The following LAMC2 variants were observed in gnomAD, a reference collection of about 807,000 sequenced individuals.
LAMC2 encodes laminin subunit gamma-2.
A neutral mutation model predicts 140.2 loss-of-function variants in LAMC2; 97 were observed. The ratio of observed to expected loss-of-function variants is 0.69; its 90% confidence interval spans 0.59 to 0.82. The LOEUF is 0.82. Ranked by LOEUF, LAMC2 falls within the 40% of genes least tolerant of loss-of-function variation. The pLI is 0.00. For missense variants in LAMC2, 1,402 were observed against 1,476.1 expected (o/e 0.95, Z 0.82); for synonymous variants, 513 against 540.2 (o/e 0.95, Z 0.70).
rs762552760 is a variant in LAMC2 at position 183,234,460 on chromosome 1, G to C, written c.2300+14G>C. 1.3e-5 allele frequency: 21 copies of C among 1,606,408 alleles called. No homozygotes were observed. The highest frequency in any genetic ancestry group is 5.0e-5 in the Admixed American group (3 of 59,996). On this transcript the variant is annotated intron_variant, in intron 15 of 22. Coordinates refer to ENST00000264144, the MANE Select transcript of LAMC2 (RefSeq NM_005562.3). ...ATTAGCAGAAAGGTGAGCAGCATTA[G>C]AGGGCACCTCTGCTTCAAGCCGTCT...
chr1:183,195,559 G>A (rs1399695479), intron 1 of LAMC2, among the ~76,000 whole-genome samples: 1 of 152,174 alleles, frequency 6.6e-6, no homozygotes, highest in Non-Finnish European at 1.5e-5. Context: ...GTCAACTGGT[G>A]CCGTGCCCTT....
intron 1 of LAMC2, among the ~76,000 whole-genome samples, chr1:183,191,054 C>T (rs1458097825): frequency 6.6e-6 from 1 of 152,124 alleles, no homozygotes; most frequent in Non-Finnish European, 1.5e-5. Flanking sequence ...CAGCTGGGCC[C>T]CTTTCTTACT....
downstream of LAMC2, among the ~76,000 whole-genome samples, chr1:183,245,316 TC>T (rs763317921): frequency 4.6e-5 from 7 of 152,276 alleles, no homozygotes; most frequent in East Asian, 9.6e-4. Flanking sequence ...TCTGCTTCTG[TC>T]CATTGACCCC....
Position 183,219,683 on chromosome 1 carries a change from A to T in LAMC2, c.504-1142A>T, listed in dbSNP as rs537491456. Among the ~76,000 whole-genome samples, 169 of 151,956 alleles carry T rather than the reference A, an allele frequency of 1.1e-3. 4 individuals carry two copies. In the South Asian group the frequency reaches 0.035, roughly 31 times the overall value. ...CTTTTAATCAGCAGGTTTCTTCTCC[A>T]TAGAAACCATAATAATTCTTTTAAC... On this transcript the variant is annotated intron_variant, in intron 4 of 22. Coordinates refer to ENST00000264144, the MANE Select transcript of LAMC2 (RefSeq NM_005562.3).
rs1022081707 is a variant in LAMC2 at position 183,226,858 on chromosome 1, T to C, written c.1227T>C (p.Pro409=). The change falls in exon 9 of 23, where the codon CCT becomes CCC. Residue 409 remains proline, a synonymous_variant. Coordinates refer to ENST00000264144, the MANE Select transcript of LAMC2 (RefSeq NM_005562.3). ...AGAGAGATTCAGCGAGACTGGGGCC[T>C]TTTGGCACCTGTATTCCTTGTAACT... The part of the protein sequence containing the change: ...GYKRDSARLG[P]FGTCIPCNCQ... The C allele has an allele frequency of 3.1e-6, 5 of 1,614,134 alleles. No individual in the cohort carries two copies. The East Asian group carries it at 1.1e-4, about 36-fold the overall frequency.
At chr1:183,219,600 C>T (rs1183879940) in intron 4 of LAMC2, among the ~76,000 whole-genome samples, 1 of 152,050 alleles carries the variant, frequency 6.6e-6, no homozygotes, top group Non-Finnish European at 1.5e-5. Context: ...CTTCCTTTCC[C>T]TTCTTTTGTC....
At chr1:183,196,734 G>T (rs1658531957) in intron 1 of LAMC2, among the ~76,000 whole-genome samples, 1 of 149,674 alleles carries the variant, frequency 6.7e-6, no homozygotes, top group South Asian at 2.1e-4. Context: ...GGTATATTAA[G>T]ATTTAGTTTT....
chr1:183,187,818 G>T (rs1156373025), intron 1 of LAMC2, among the ~76,000 whole-genome samples: 1 of 152,212 alleles, frequency 6.6e-6, no homozygotes, highest in Non-Finnish European at 1.5e-5. Flanking sequence ...AAATGAAAAT[G>T]TGTTTCTCAA....
Position 183,231,062 on chromosome 1 carries a change from G to A in LAMC2, c.1816G>A (p.Ala606Thr), listed in dbSNP as rs765118159. 1.2e-6 allele frequency: 2 copies of A among 1,614,172 alleles called. No homozygotes were observed. Among genetic ancestry groups the A allele is most frequent in the Non-Finnish European group, 1.7e-6 (2 of 1,180,028 alleles). Residue 606 changes from alanine (A) to threonine (T), a missense_variant, in exon 12 of 23, where the codon GCA becomes ACA. Ala to Thr is a moderately conservative substitution (Grantham distance 58). Coordinates refer to ENST00000264144, the MANE Select transcript of LAMC2 (RefSeq NM_005562.3). ...GFGGPNCEHGAFSCPACYNQV... is the reference protein window; with the variant it reads ...GFGGPNCEHGTFSCPACYNQV... Reference sequence around the variant, plus strand: ...TGGTGGCCCCAACTGTGAGCATGGAGCATTCAGCTGTCCAGCTTGCTATAA... The same window carrying A: ...TGGTGGCCCCAACTGTGAGCATGGAACATTCAGCTGTCCAGCTTGCTATAA...
Position 183,217,126 on chromosome 1 carries a change from G to A in LAMC2, c.405-1264G>A, listed in dbSNP as rs1450742868. ...ACTGGATGAGGAATGTGAGGGAGAA[G>A]GAGGGGTCAAGGGTGCTCCAGGTTT... On this transcript the variant is annotated intron_variant, in intron 3 of 22. Coordinates refer to ENST00000264144, the MANE Select transcript of LAMC2 (RefSeq NM_005562.3). Among the ~76,000 whole-genome samples the A allele has an allele frequency of 2.0e-5, 3 of 152,170 alleles. No individual in the cohort carries two copies. The East Asian group carries it at 5.8e-4, about 29-fold the overall frequency.
chr1:183,237,617 C>T, intron 18 of LAMC2, 113 bp downstream of exon 18: 1 of 1,071,130 alleles, frequency 9.3e-7, no homozygotes, highest in Admixed American at 2.0e-5. Context: ...GGTGACTTAT[C>T]CCTGTAATCC....
At chr1:183,236,106 G>A (rs929514972) in intron 16 of LAMC2, among the ~76,000 whole-genome samples, 2 of 152,064 alleles carry the variant, frequency 1.3e-5, no homozygotes, top group Non-Finnish European at 2.9e-5. Flanking sequence ...CCCAACCTGT[G>A]TAAATTAAAA....
chr1:183,197,666 ACTCCGTCTC>A (rs1658563659), intron 1 of LAMC2, among the ~76,000 whole-genome samples: 1 of 140,030 alleles, frequency 7.1e-6, no homozygotes. Context: ...ACAGAGCGAG[ACTCCGTCTC>A]AAAAAAAAAA....
the LAMC2 span, chr1:183,252,602 G>C: frequency 7.3e-7 from 1 of 1,360,944 alleles, no homozygotes; most frequent in Non-Finnish European, 1.1e-6. Flanking sequence ...GGCTGACAAA[G>C]ATGGAGGGGC....
Position 183,245,018 on chromosome 1 carries a change from C to T in LAMC2, c.*1618C>T, listed in dbSNP as rs909566435. ...CTAGAGTTAGCATCTTCAGTTCCCA[C>T]TTCTGAGCATCTTACTTCGCCCATT... is the stretch of plus-strand genomic sequence containing the variant. On this transcript the variant is annotated 3_prime_UTR_variant, in exon 23 of 23. Coordinates refer to ENST00000264144, the MANE Select transcript of LAMC2 (RefSeq NM_005562.3). 2.0e-5 allele frequency: 3 copies of T among 152,212 alleles called. No individual in the cohort carries two copies. The allele number at this position is 152,212 out of a possible 1,614,324, so 9.4% of individuals were successfully genotyped here.
chr1:183,232,989 C>T, intron 14 of LAMC2, 132 bp downstream of exon 14: 2 of 831,300 alleles, frequency 2.4e-6, no homozygotes, highest in East Asian at 2.6e-5. Context: ...GGTTGTTGGA[C>T]TTCTTTTCCT....
rs779901875 is a variant in LAMC2 at position 183,232,773 on chromosome 1, C to T, written c.2136C>T (p.Tyr712=). The T allele has an allele frequency of 5.5e-5, 88 of 1,613,968 alleles. No individual in the cohort carries two copies. Among genetic ancestry groups the T allele is most frequent in the Non-Finnish European group, 7.3e-5 (86 of 1,179,996 alleles). The change falls in exon 14 of 23, where the codon TAC becomes TAT. Residue 712 remains tyrosine (Y), a synonymous_variant. Transcript: ENST00000264144. ...VERVRALGSQ[Y]QNRVRDTHRL... ...GAGTTCGGGCTCTGGGAAGTCAGTA[C>T]CAGAACCGAGTTCGGGATACTCACA...
chr1:183,192,790 C>T (rs559557849), intron 1 of LAMC2, among the ~76,000 whole-genome samples: 2 of 152,318 alleles, frequency 1.3e-5, no homozygotes, highest in Admixed American at 6.5e-5. Flanking sequence ...GCAACCTCCC[C>T]GCCTCCCAGC....
At chr1:183,217,803 C>T (rs970884525) in intron 3 of LAMC2, among the ~76,000 whole-genome samples, 8 of 152,070 alleles carry the variant, frequency 5.3e-5, no homozygotes, top group African/African-American at 1.4e-4. Flanking sequence ...GATTTCTTTC[C>T]GGAATGATCA....
Sources: allele counts gnomAD v4.1 joint callset (sites outside exome capture counted in the v4.1 genomes callset), GRCh38; gene constraint gnomAD v4.1.1; transcripts MANE v1.5; gene names NCBI Gene and HGNC (gene_info 2026-07-23, HGNC 2026-07-21).